Variants in ATP11C observed in about 807,000 individuals in gnomAD.
ATP11C encodes the protein ATPase phospholipid transporting 11C (ATP11C blood group), also known as phospholipid-transporting ATPase IG.
ATP11C carries 36 observed loss-of-function variants against 97.4 expected under a neutral mutation model. The ratio of observed to expected loss-of-function variants is 0.37; its 90% CI spans 0.28 to 0.49. The LOEUF is 0.49. Among genes scored for constraint, ATP11C ranks in the 20% least tolerant of loss-of-function variants. ATP11C has a pLI of 0.98. For synonymous variants in ATP11C, 275 were observed against 290.9 expected (o/e 0.95, Z 0.56); for missense variants, 730 against 824.6 (o/e 0.89, Z 1.40).
At chrX:139,865,792 A>T (rs1187281879) in intron 1 of ATP11C, among the ~76,000 whole-genome samples, 1 of 111,366 alleles carries the variant, frequency 9.0e-6, no homozygotes, top group Admixed American at 9.6e-5. Context: ...TAAATAAGAC[A>T]AAAACAATAG....
chrX:139,785,297 T>C lies in ATP11C; in HGVS notation c.1595A>G (p.Tyr532Cys). 8.4e-7 allele frequency: 1 copy of C among 1,196,415 alleles called. No individual in the cohort carries two copies. The highest frequency in any genetic ancestry group is 1.1e-6 in the Non-Finnish European group (1 of 884,023). The change falls in exon 16 of 30, where the codon TAT becomes TGT. Residue 532 changes from tyrosine (Y) to cysteine (C), a missense_variant and splice_region_variant. By Grantham distance (194) the Tyr-to-Cys change is radical. Coordinates refer to ENST00000682941, the MANE Select transcript of ATP11C (RefSeq NM_001353812.2). Reference protein sequence around the residue: ...VENQRKEIEEYELLHTLNFDA... With the variant: ...VENQRKEIEECELLHTLNFDA... ...AAAGTTTAAGGTGTGAAGAAGTTCA[T>C]ATCTTTAAGAGAAATGAGCAAAGTA...
At chrX:139,835,112 C>T (rs765357317) in intron 1 of ATP11C, among the ~76,000 whole-genome samples, 1 of 112,110 alleles carries the variant, frequency 8.9e-6, no homozygotes, top group Non-Finnish European at 1.9e-5. Flanking sequence ...ATCAGCTATA[C>T]TGGCAAAGCA....
intron 1 of ATP11C, among the ~76,000 whole-genome samples, chrX:139,910,930 C>G (rs924175136): frequency 7.2e-5 from 8 of 111,312 alleles, no homozygotes; most frequent in Non-Finnish European, 1.3e-4. Context: ...AGTAAGAGAC[C>G]AGAACATATG....
At chrX:139,869,449 G>A (rs1257089244) in intron 1 of ATP11C, among the ~76,000 whole-genome samples, 1 of 110,339 alleles carries the variant, frequency 9.1e-6, no homozygotes, top group Non-Finnish European at 1.9e-5. Flanking sequence ...GATAGCTGAA[G>A]TGTTTATGAA....
At chrX:139,805,687 C>CT (rs1220023944) in intron 5 of ATP11C, among the ~76,000 whole-genome samples, 1 of 112,007 alleles carries the variant, frequency 8.9e-6, no homozygotes, top group East Asian at 2.8e-4. Context: ...AGATAACCCA[C>CT]TTTAGAAGGG....
At chrX:139,739,184 C>G (rs1437920148) in intron 27 of ATP11C, among the ~76,000 whole-genome samples, 1 of 110,777 alleles carries the variant, frequency 9.0e-6, no homozygotes, top group Non-Finnish European at 1.9e-5. Flanking sequence ...GAATAATGTT[C>G]TAGGCAGTTA....
chrX:139,731,041 C>T lies in ATP11C; in HGVS notation c.*3+610G>A, dbSNP rs771663260. On this transcript the variant is annotated intron_variant, in intron 29 of 29. Transcript: ENST00000682941. ...TGAATGGCTATGAAATATTTTACCT[C>T]TGAAAGTTGAAACATTTAGCTTGAA... Among the ~76,000 whole-genome samples, 11 of 111,542 alleles carry T rather than the reference C, an allele frequency of 9.9e-5. No individual in the cohort carries two copies. The East Asian group carries it at 2.8e-3, about 29-fold the overall frequency.
intron 1 of ATP11C, among the ~76,000 whole-genome samples, chrX:139,917,342 A>C (rs944022963): frequency 4.5e-5 from 5 of 112,206 alleles, no homozygotes; most frequent in African/African-American, 1.3e-4. Flanking sequence ...ATGAGACTAC[A>C]TCAAACTTTA....
At position 139,819,383 on chromosome X, in the gene ATP11C, A is replaced by C. The variant is rs2083354043; in HGVS notation, c.192T>G (p.Phe64Leu). The C allele has an allele frequency of 2.6e-6, 3 of 1,149,540 alleles. No homozygotes were observed. Among genetic ancestry groups the C allele is most frequent in the Non-Finnish European group, 3.5e-6 (3 of 857,652 alleles). 94.7% of individuals were successfully genotyped at this position (1,149,540 alleles called of 1,213,427 possible). ...GAAAATAAAAATTTGCAATTCTTCT[A>C]AACTGTTCAAACAGATTCTTTGGGA... The part of the protein sequence containing the change: ...NFLPKNLFEQ[F>L]RRIANFYFLI... Residue 64 changes from phenylalanine (F) to leucine (L), a missense_variant, in exon 3 of 30, where the codon TTT (phenylalanine) becomes TTG (leucine). Transcript: ENST00000682941.
intron 19 of ATP11C, among the ~76,000 whole-genome samples, chrX:139,773,401 G>A (rs1193765724): frequency 4.5e-5 from 5 of 111,028 alleles, no homozygotes; most frequent in Non-Finnish European, 7.5e-5. Context: ...AGCAGAGGGC[G>A]GCCATTTGCA....
At chrX:139,853,670 C>G (rs1394795046) in intron 1 of ATP11C, among the ~76,000 whole-genome samples, 1 of 109,579 alleles carries the variant, frequency 9.1e-6, no homozygotes, top group African/African-American at 3.3e-5. Flanking sequence ...TGGACAACCC[C>G]GTAGCCTTCT....
chrX:139,870,820 G>T (rs1010393067), intron 1 of ATP11C, among the ~76,000 whole-genome samples: 19 of 111,831 alleles, frequency 1.7e-4, no homozygotes, highest in Non-Finnish European at 3.0e-4. Context: ...ACTTTGGGAG[G>T]CCGAGGCGGG....
intron 1 of ATP11C, among the ~76,000 whole-genome samples, chrX:139,876,468 A>G (rs1367460479): frequency 8.9e-6 from 1 of 112,144 alleles, no homozygotes; most frequent in African/African-American, 3.2e-5. Context: ...TTGCCCAGGC[A>G]CAAGTGCAGT....
intron 21 of ATP11C, 21 bp from the exon 22 acceptor site, chrX:139,762,127 A>G (rs938533838): frequency 3.6e-6 from 4 of 1,114,198 alleles, no homozygotes; most frequent in South Asian, 2.4e-5. Context: ...GTATCTCTAT[A>G]TGGTGAGCAT....
At chrX:139,868,355 A>G (rs1056136745) in intron 1 of ATP11C, among the ~76,000 whole-genome samples, 1 of 111,153 alleles carries the variant, frequency 9.0e-6, no homozygotes, top group African/African-American at 3.3e-5. Context: ...ACGAATAGGC[A>G]ACCTATGGAA....
chrX:139,866,953 G>A (rs1252699018), intron 1 of ATP11C, among the ~76,000 whole-genome samples: 1 of 111,222 alleles, frequency 9.0e-6, no homozygotes, highest in African/African-American at 3.3e-5. Flanking sequence ...AGGTATGGTA[G>A]TGCATGCCTG....
intron 1 of ATP11C, among the ~76,000 whole-genome samples, chrX:139,850,177 G>C (rs1365696247): frequency 9.0e-6 from 1 of 111,180 alleles, no homozygotes; most frequent in Non-Finnish European, 1.9e-5. Context: ...GTAGGGGCTG[G>C]AAGAACCTGG....
chrX:139,840,418 T>G (rs1240685700), intron 1 of ATP11C, among the ~76,000 whole-genome samples: 1 of 112,518 alleles, frequency 8.9e-6, no homozygotes, highest in Non-Finnish European at 1.9e-5. Context: ...TCCTGAACAG[T>G]ATTCAGATTC....
chrX:139,875,763 T>C (rs893020762), intron 1 of ATP11C, among the ~76,000 whole-genome samples: 3 of 112,044 alleles, frequency 2.7e-5, no homozygotes, highest in African/African-American at 9.7e-5. Context: ...TATACAGATA[T>C]TATCTCATAA....
Sources: gnomAD v4.1 joint callset for allele counts (sites outside exome capture counted in the v4.1 genomes callset) on GRCh38, gnomAD v4.1.1 for gene constraint, MANE v1.5 for transcripts, NCBI Gene and HGNC (gene_info 2026-07-23, HGNC 2026-07-21) for gene names.